Variants in GGCT observed in about 807,000 individuals in gnomAD.
GGCT encodes gamma-glutamylcyclotransferase.
GGCT carries 20 observed loss-of-function variants against 22.1 expected under a neutral mutation model. The observed-to-expected ratio is 0.91, with a 90% CI of 0.64 to 1.32. The LOEUF is 1.32. Ranked by LOEUF, GGCT falls within the 40% of genes most tolerant of loss-of-function variation. The pLI is 0.00. For missense variants in GGCT, 209 were observed against 223.5 expected, an observed-to-expected ratio of 0.94 and a Z score of 0.41; for synonymous variants, 72 against 78.4, an observed-to-expected ratio of 0.92 and a Z score of 0.43.
chr7:30,499,784 C>T (rs28414816), intron 2 of GGCT, among the ~76,000 whole-genome samples: 14,504 of 150,400 alleles, frequency 0.096, 937 homozygotes, highest in African/African-American at 0.17. Flanking sequence ...TTGTTATACT[C>T]CTAACATAAC....
chr7:30,501,884 A>T (rs1328902864), intron 1 of GGCT, among the ~76,000 whole-genome samples: 2 of 152,224 alleles, frequency 1.3e-5, no homozygotes, highest in Admixed American at 1.3e-4. Flanking sequence ...AGCATAAGAG[A>T]TGTTCTTCTA....
At chr7:30,500,488 T>C in intron 2 of GGCT, 48 bp downstream of exon 2, 1 of 1,486,458 alleles carries the variant, frequency 6.7e-7, no homozygotes, top group Non-Finnish European at 9.4e-7. Context: ...ACATACAATC[T>C]GCTTTCTGAA....
At chr7:30,504,300 C>T (rs928815351) in intron 1 of GGCT, among the ~76,000 whole-genome samples, 4 of 152,326 alleles carry the variant, frequency 2.6e-5, no homozygotes, top group Non-Finnish European at 5.9e-5. Flanking sequence ...AGTTAGTGGA[C>T]GAGAGGCCAA....
chr7:30,502,106 C>G (rs1789716402), intron 1 of GGCT, among the ~76,000 whole-genome samples: 1 of 152,216 alleles, frequency 6.6e-6, no homozygotes, highest in African/African-American at 2.4e-5. Context: ...AACTCCTCCT[C>G]CATTACCTGA....
At chr7:30,499,838 GT>G (rs11422074) in intron 2 of GGCT, among the ~76,000 whole-genome samples, 4 of 149,408 alleles carry the variant, frequency 2.7e-5, no homozygotes, top group Non-Finnish European at 5.9e-5. Flanking sequence ...AATATAGTTT[GT>G]TTTTTTTTTC....
At chr7:30,498,196 AAGAG>A (rs538337613) in intron 3 of GGCT, among the ~76,000 whole-genome samples, 2 of 135,342 alleles carry the variant, frequency 1.5e-5, no homozygotes, top group East Asian at 4.3e-4. Context: ...GAAAGAAAGA[AAGAG>A]AGAAAGAAAA....
At chr7:30,502,768 C>T (rs752881383) in intron 1 of GGCT, among the ~76,000 whole-genome samples, 1 of 152,214 alleles carries the variant, frequency 6.6e-6, no homozygotes, top group Non-Finnish European at 1.5e-5. Context: ...CCTGCCCTGC[C>T]ACCACCCTAG....
At chr7:30,500,189 G>T (rs1396673576) in intron 2 of GGCT, among the ~76,000 whole-genome samples, 4 of 152,084 alleles carry the variant, frequency 2.6e-5, no homozygotes, top group African/African-American at 9.7e-5. Context: ...CTGAATTCAA[G>T]TACTTTCAAA....
At chr7:30,504,444 G>A in intron 1 of GGCT, 125 bp downstream of exon 1, 2 of 1,122,972 alleles carry the variant, frequency 1.8e-6, no homozygotes, top group Non-Finnish European at 2.5e-6. Context: ...GGAGGCGGAA[G>A]CCGCGTCCTA....
Position 30,499,101 on chromosome 7 carries a change from T to C in GGCT, c.288-163A>G, listed in dbSNP as rs1583946177. Reference sequence around the variant, plus strand: ...ATTTGGGATAGAGAATATATAAATTTACCACATCAAAAGTAAGCTTAGCAT... The same window carrying C: ...ATTTGGGATAGAGAATATATAAATTCACCACATCAAAAGTAAGCTTAGCAT... On this transcript the variant is annotated intron_variant, in intron 2 of 3. Transcript: ENST00000275428. 16 of 726,424 alleles carry C rather than the reference T, an allele frequency of 2.2e-5. No homozygotes were observed. The East Asian group carries it at 4.2e-4, about 19-fold the overall frequency. The allele number at this position is 726,424 out of a possible 1,614,324, so 45.0% of individuals were successfully genotyped here.
chr7:30,503,778 ATTCT>A (rs1203785910), intron 1 of GGCT, among the ~76,000 whole-genome samples: 1 of 96,392 alleles, frequency 1.0e-5, no homozygotes, highest in Non-Finnish European at 1.9e-5. Flanking sequence ...CTTTCAACAC[ATTCT>A]TTTTTTTTTT....
At position 30,500,624 on chromosome 7, in the gene GGCT, C is replaced by T; in HGVS notation, c.199G>A (p.Gly67Arg). ...GGACTCTGAAAAATGGTGGCTATCC[C>T]TCCATGCCAAGTTTGACTTGTTTTG... is the stretch of plus-strand genomic sequence containing the variant. ...QGKTSQTWHG[G>R]IATIFQSPGD... is the part of the protein sequence containing the mutation. Residue 67 changes from glycine to arginine, a missense_variant, in exon 2 of 4, where the codon GGG (glycine) becomes AGG (arginine). Transcript: ENST00000275428. 1 of 1,613,792 alleles carries T rather than the reference C, an allele frequency of 6.2e-7. No individual in the cohort carries two copies. Among genetic ancestry groups the T allele is most frequent in the Non-Finnish European group, 8.5e-7 (1 of 1,179,712 alleles).
chr7:30,499,634 C>T (rs1459473825), intron 2 of GGCT, among the ~76,000 whole-genome samples: 1 of 151,880 alleles, frequency 6.6e-6, no homozygotes, highest in Non-Finnish European at 1.5e-5. Context: ...ATCACTGGAA[C>T]CCGGGAGGCA....
At chr7:30,498,169 T>A (rs1464334521) in intron 3 of GGCT, among the ~76,000 whole-genome samples, 1 of 136,808 alleles carries the variant, frequency 7.3e-6, no homozygotes, top group Non-Finnish European at 1.6e-5. Flanking sequence ...GAAGCAAAAA[T>A]TTATTGCCAG....
At position 30,496,655 on chromosome 7, in the gene GGCT, G is replaced by C. The variant is rs1789537849; in HGVS notation, c.*437C>G. ...AAATACGTTTATTCCTCTAAAAACA[G>C]TATACCATCTTTCCAATTTTCAAAA... is the stretch of plus-strand genomic sequence containing the variant. On this transcript the variant is annotated 3_prime_UTR_variant, in exon 4 of 4. Coordinates refer to ENST00000275428, the MANE Select transcript of GGCT (RefSeq NM_024051.4). 1.3e-5 allele frequency: 2 copies of C among 152,992 alleles called. No individual in the cohort carries two copies. The highest frequency in any genetic ancestry group is 2.9e-5 in the Non-Finnish European group (2 of 68,696). The allele number at this position is 152,992 out of a possible 1,614,324, so 9.5% of individuals were successfully genotyped here.
chr7:30,500,946 GA>G (rs1018921863), intron 1 of GGCT, among the ~76,000 whole-genome samples: 7 of 151,792 alleles, frequency 4.6e-5, no homozygotes, highest in African/African-American at 7.3e-5. Flanking sequence ...AAAGTTTAAG[GA>G]AAAAAAATCC....
chr7:30,504,806 G>T lies in GGCT; in HGVS notation c.-97C>A. ...CCACTACCCCGGCGCAGTGACCGCC[G>T]CGCGGCAGCCTCAGGGTTAGGGGAC... is the stretch of plus-strand genomic sequence containing the variant. On this transcript the variant is annotated 5_prime_UTR_variant, in exon 1 of 4. Transcript: ENST00000275428. 1.6e-6 allele frequency: 2 copies of T among 1,271,302 alleles called. No homozygotes were observed. Among genetic ancestry groups the T allele is most frequent in the Non-Finnish European group, 1.1e-6 (1 of 885,232 alleles). 78.8% of individuals were successfully genotyped at this position (1,271,302 alleles called of 1,614,324 possible).
chr7:30,504,806 G>C lies in GGCT; in HGVS notation c.-97C>G. 2 of 1,271,308 alleles carry C rather than the reference G, an allele frequency of 1.6e-6. No homozygotes were observed. Among genetic ancestry groups the C allele is most frequent in the Admixed American group, 1.8e-5 (1 of 56,102 alleles). 78.8% of individuals were successfully genotyped at this position (1,271,308 alleles called of 1,614,324 possible). A position where few individuals can be genotyped will look rare whatever the true frequency, so the allele number is the denominator to read the frequency against. ...CCACTACCCCGGCGCAGTGACCGCC[G>C]CGCGGCAGCCTCAGGGTTAGGGGAC... On this transcript the variant is annotated 5_prime_UTR_variant, in exon 1 of 4. Transcript: ENST00000275428.
intron 1 of GGCT, among the ~76,000 whole-genome samples, chr7:30,501,862 G>T (rs1016559386): frequency 1.3e-5 from 2 of 152,194 alleles, no homozygotes; most frequent in Non-Finnish European, 2.9e-5. Flanking sequence ...GGAGTGACCA[G>T]TACCTTTATT....
Sources: gnomAD v4.1 joint callset for allele counts (sites outside exome capture counted in the v4.1 genomes callset) on GRCh38, gnomAD v4.1.1 for gene constraint, MANE v1.5 for transcripts, NCBI Gene and HGNC (gene_info 2026-07-23, HGNC 2026-07-21) for gene names.